Variants in POMGNT1 observed in about 807,000 individuals in gnomAD.
POMGNT1 encodes the protein protein O-linked mannose N-acetylglucosaminyltransferase 1 (beta 1,2-).
Under a neutral mutation model 95.6 loss-of-function variants are expected in POMGNT1, and 67 were observed. The ratio of observed to expected loss-of-function variants is 0.70; its 90% CI spans 0.58 to 0.86. POMGNT1 has a LOEUF of 0.86. Ranked by LOEUF, POMGNT1 falls within the 40% of genes least tolerant of loss-of-function variation. POMGNT1 has a pLI of 0.00. For missense variants in POMGNT1, 719 were observed against 855.2 expected (o/e 0.84, Z 1.99); for synonymous variants, 298 against 317.9 (o/e 0.94, Z 0.66).
chr1:46,216,404 C>T (rs554736059), intron 1 of POMGNT1, among the ~76,000 whole-genome samples: 1 of 152,160 alleles, frequency 6.6e-6, no homozygotes, highest in African/African-American at 2.4e-5. Context: ...TGCAGTGGCA[C>T]CACCATGGAT....
At chr1:46,214,796 G>A (rs1202569990) in intron 1 of POMGNT1, among the ~76,000 whole-genome samples, 1 of 146,278 alleles carries the variant, frequency 6.8e-6, no homozygotes, top group Admixed American at 7.2e-5. Flanking sequence ...AACCCGAGAG[G>A]CAGAGGCTGC....
exon 1 of POMGNT1, chr1:46,220,101 C>T: frequency 1.2e-6 from 2 of 1,614,200 alleles, no homozygotes; most frequent in Non-Finnish European, 1.7e-6. Flanking sequence ...TGTGTGGAAG[C>T]CCCCAGGGGA....
rs1236287516 is a variant in POMGNT1, at chr1:46,194,403, T to C, written c.752-2A>G. On this transcript the variant is annotated splice_acceptor_variant, in intron 8 of 21. Transcript: ENST00000371984. LOFTEE classifies it high-confidence loss of function. ...TGTCTGCCCAGTGGCACTCTGCCTC[T>C]GAGGGAAGGATGCGGTTGTCATGGA... 2 of 1,614,182 alleles carry C rather than the reference T, an allele frequency of 1.2e-6. No individual in the cohort carries two copies. Among genetic ancestry groups the C allele is most frequent in the East Asian group, 4.5e-5 (2 of 44,880 alleles).
Position 46,190,530 on chromosome 1 carries a change from G to C in POMGNT1, c.1605-13C>G, listed in dbSNP as rs1353316690. ...TTCTTTCTTCAGACTGAAGAGGAGG[G>C]AGAAATGGGTCAGGGGAGTGGGCAG... is the stretch of plus-strand genomic sequence containing the variant. On this transcript the variant is annotated splice_polypyrimidine_tract_variant and intron_variant, in intron 18 of 21. Transcript: ENST00000371984. 1 of 1,600,520 alleles carries C rather than the reference G, an allele frequency of 6.2e-7. No individual in the cohort carries two copies. Among genetic ancestry groups the C allele is most frequent in the Middle Eastern group, 1.7e-4 (1 of 6,006 alleles).
Position 46,196,907 on chromosome 1 carries a change from G to T in POMGNT1, c.236-58C>A. On this transcript the variant is annotated intron_variant, in intron 3 of 21. Coordinates refer to ENST00000371984, the MANE Select transcript of POMGNT1 (RefSeq NM_017739.4). The surrounding 1 kb of genome is among the most constrained non-coding windows in gnomAD (Gnocchi z 4.4). ...CCTCAGCAGAGTCTCACCGCTTAGG[G>T]TCTGCCTGCCACTCCAGCTGTGAGA... The T allele has an allele frequency of 6.2e-7, 1 of 1,614,186 alleles. No homozygotes were observed. Among genetic ancestry groups the T allele is most frequent in the Non-Finnish European group, 8.5e-7 (1 of 1,180,030 alleles).
upstream of POMGNT1, among the ~76,000 whole-genome samples, chr1:46,201,972 G>GA (rs1212393880): frequency 1.3e-5 from 2 of 150,402 alleles, 1 homozygote; most frequent in South Asian, 4.2e-4. Flanking sequence ...CTCTAAAAAA[G>GA]AAAAAATAGT....
chr1:46,188,864 G>C lies in POMGNT1; in HGVS notation c.*406C>G, dbSNP rs1265307954. 3 of 1,612,890 alleles carry C rather than the reference G, an allele frequency of 1.9e-6. No homozygotes were observed. In the Admixed American group the frequency reaches 5.0e-5, roughly 27 times the overall value. On this transcript the variant is annotated 3_prime_UTR_variant, in exon 22 of 22. Coordinates refer to ENST00000371984, the MANE Select transcript of POMGNT1 (RefSeq NM_017739.4). ...GGGCACAGCAGTTTCCTGAGTAAGA[G>C]CCAGCCCCACCCTCAGGGCAGCATT...
intron 19 of POMGNT1, 149 bp downstream of exon 19, chr1:46,190,324 G>A (rs539586980): frequency 4.4e-4 from 469 of 1,067,688 alleles, no homozygotes; most frequent in Middle Eastern, 1.0e-3. Context: ...GATTACAGGC[G>A]TGAGCCACCG....
intron 14 of POMGNT1, 34 bp downstream of exon 14, chr1:46,192,866 G>A: frequency 1.2e-6 from 2 of 1,613,768 alleles, no homozygotes; most frequent in Non-Finnish European, 1.7e-6. Context: ...TGCAGACTGA[G>A]GGACCTCAAC....
upstream of POMGNT1, among the ~76,000 whole-genome samples, chr1:46,199,089 G>A (rs1658455951): frequency 1.3e-5 from 2 of 152,104 alleles, no homozygotes; most frequent in Non-Finnish European, 2.9e-5. Flanking sequence ...CTACGGTCGT[G>A]CGCCACCACA....
chr1:46,199,314 T>C (rs1285553716), upstream of POMGNT1, among the ~76,000 whole-genome samples: 1 of 152,218 alleles, frequency 6.6e-6, no homozygotes, highest in Non-Finnish European at 1.5e-5. Context: ...AGAGGTGGAA[T>C]TGAAACTCAG....
chr1:46,189,917 G>C lies in POMGNT1; in HGVS notation c.1722C>G (p.Thr574=). 6.2e-7 allele frequency: 1 copy of C among 1,614,112 alleles called. No homozygotes were observed. The highest frequency in any genetic ancestry group is 8.5e-7 in the Non-Finnish European group (1 of 1,180,016). Residue 574 remains threonine (T), a synonymous_variant, in exon 20 of 22, where the codon ACC becomes ACG. Transcript: ENST00000371984. ...DSFLPDTEGH[T]YVAFIRMEKD... Reference sequence around the variant, plus strand: ...TCTCCATTCGAATAAAGGCCACGTAGGTGTGGCCCTCTGTGTCTGGCAGGA... The same window carrying C: ...TCTCCATTCGAATAAAGGCCACGTACGTGTGGCCCTCTGTGTCTGGCAGGA...
intron 2 of POMGNT1, chr1:46,197,458 C>G (rs566442179): frequency 1.1e-4 from 160 of 1,488,180 alleles, no homozygotes; most frequent in Non-Finnish European, 1.4e-4. Flanking sequence ...TGCCTCTCTG[C>G]AAAGCCAGCC....
chr1:46,206,856 C>G (rs1180627354), intron 1 of POMGNT1, among the ~76,000 whole-genome samples: 1 of 152,174 alleles, frequency 6.6e-6, no homozygotes, highest in Non-Finnish European at 1.5e-5. Context: ...GATCTGCTCT[C>G]AGGGAGCTCA....
chr1:46,202,906 T>TGGCGG (rs1553164803), upstream of POMGNT1, among the ~76,000 whole-genome samples: 1 of 7,570 alleles, frequency 1.3e-4, no homozygotes. Flanking sequence ...TTCTAGCCCC[T>TGGCGG]GGGGGGGGGG....
intron 10 of POMGNT1, 108 bp from the exon 11 acceptor site, chr1:46,193,747 G>A: frequency 1.3e-6 from 2 of 1,597,336 alleles, no homozygotes; most frequent in African/African-American, 1.3e-5. Context: ...AGAGGTGAAT[G>A]CGTCTAGAAT....
At chr1:46,214,394 G>T (rs186755564) in intron 1 of POMGNT1, among the ~76,000 whole-genome samples, 15 of 151,152 alleles carry the variant, frequency 9.9e-5, no homozygotes, top group Non-Finnish European at 1.3e-4. Context: ...ATGAAATGGA[G>T]ATAATACAGA....
intron 1 of POMGNT1, among the ~76,000 whole-genome samples, chr1:46,210,504 G>T (rs1020878671): frequency 6.6e-6 from 1 of 152,140 alleles, no homozygotes; most frequent in Non-Finnish European, 1.5e-5. Flanking sequence ...GACACTAGTC[G>T]TAAATCTGGG....
In POMGNT1 at chr1:46,189,384, G is replaced by C. The variant is rs776467695; in HGVS notation, c.1896-27C>G. The C allele has an allele frequency of 1.9e-6, 3 of 1,614,064 alleles. No individual in the cohort carries two copies. In the South Asian group the frequency reaches 3.3e-5, roughly 18 times the overall value. Reference sequence around the variant, plus strand: ...TGGGAAAATAATACAAGAATGTATAGAGAAGAAGCCATTAGCTATATCCCT... The same window carrying C: ...TGGGAAAATAATACAAGAATGTATACAGAAGAAGCCATTAGCTATATCCCT... On this transcript the variant is annotated intron_variant, in intron 21 of 21. Coordinates refer to ENST00000371984, the MANE Select transcript of POMGNT1 (RefSeq NM_017739.4).
Sources: allele counts gnomAD v4.1 joint callset (sites outside exome capture counted in the v4.1 genomes callset), GRCh38; gene constraint gnomAD v4.1.1; non-coding constraint Gnocchi (gnomAD v3.1); transcripts MANE v1.5; gene names NCBI Gene and HGNC (gene_info 2026-07-23, HGNC 2026-07-21).